Variants in SEMA3F observed in about 807,000 individuals in gnomAD.
The protein encoded by SEMA3F is semaphorin-3F.
Under a neutral mutation model 98.5 loss-of-function variants are expected in SEMA3F, and 30 were observed. That is an observed-to-expected ratio of 0.30 (90% CI 0.23 to 0.41). SEMA3F has a LOEUF of 0.41. SEMA3F is among the 10% of genes least tolerant of loss of function. The pLI, the probability that SEMA3F is intolerant of heterozygous loss-of-function variation, is 1.00. For synonymous variants in SEMA3F, 380 were observed against 444.8 expected (o/e 0.85, Z 1.83); for missense variants, 866 against 1,119.3 (o/e 0.77, Z 3.23).
At chr3:50,162,284 C>T (rs1047580825) in intron 2 of SEMA3F, among the ~76,000 whole-genome samples, 11 of 152,232 alleles carry the variant, frequency 7.2e-5, no homozygotes, top group African/African-American at 1.2e-4. Flanking sequence ...CCCGCCCATC[C>T]GCCTGGGCAC....
chr3:50,171,458 C>T (rs866682645), intron 2 of SEMA3F, among the ~76,000 whole-genome samples: 4 of 152,220 alleles, frequency 2.6e-5, no homozygotes, highest in Admixed American at 6.5e-5. Flanking sequence ...TCCCCTTACC[C>T]GGAGTGCCCG....
upstream of SEMA3F, chr3:50,155,098 C>T: frequency 2.4e-6 from 1 of 410,418 alleles, no homozygotes; most frequent in Middle Eastern, 6.4e-4. This position sits in a 1 kb window ranked among gnomAD's most constrained non-coding sequence, Gnocchi z 4.9. Context: ...CCAGAGCGAG[C>T]GAACGAACCG....
At chr3:50,185,736 T>C (rs779590222) in intron 15 of SEMA3F, 29 bp downstream of exon 15, 1 of 1,613,920 alleles carries the variant, frequency 6.2e-7, no homozygotes, top group South Asian at 1.1e-5. Context: ...GAGCCAAGGT[T>C]GGGGACAGGG....
rs374355347 is a variant in SEMA3F, at chr3:50,174,042, C to T, written c.274-10C>T. ...CAGAAGGCTGCACCTTCTGACCCCC[C>T]TCTCTGCAGATACACTGGGCAGCCT... is the stretch of plus-strand genomic sequence containing the variant. On this transcript the variant is annotated splice_polypyrimidine_tract_variant and intron_variant, in intron 3 of 18. Transcript: ENST00000002829. 3.1e-6 allele frequency: 5 copies of T among 1,614,100 alleles called. No individual in the cohort carries two copies. The highest frequency in any genetic ancestry group is 1.6e-4 in the Middle Eastern group (1 of 6,062).
rs1698067243 is a variant in SEMA3F, at chr3:50,158,151, C to G, written c.-48-1424C>G. Among the ~76,000 whole-genome samples the G allele has an allele frequency of 6.6e-6, 1 of 152,242 alleles. No individual in the cohort carries two copies. The highest frequency in any genetic ancestry group is 1.5e-5 in the Non-Finnish European group (1 of 68,042). On this transcript the variant is annotated intron_variant, in intron 1 of 18. Transcript: ENST00000002829. The surrounding 1 kb of genome is among the most constrained non-coding windows in gnomAD (Gnocchi z 4.8). ...CCCACCTGCCCCCACTTCTCAGAGC[C>G]TGCCATTCAGTCAGCACTAGCTTTG...
At chr3:50,181,361 C>T (rs1260842420) in intron 7 of SEMA3F, among the ~76,000 whole-genome samples, 2 of 150,622 alleles carry the variant, frequency 1.3e-5, no homozygotes, top group Non-Finnish European at 2.9e-5. Context: ...CTCACTGTGT[C>T]ACCAGGCTGG....
rs746556112 is a variant in SEMA3F, at chr3:50,165,602, TG to T, written c.112+5871del. ...TGCCTGGCTTGGCCTGGTGCTATCCTGGGAATCTGAGCCCCGCCTCAAGAAG... is the reference window on the plus strand; with the variant it reads ...TGCCTGGCTTGGCCTGGTGCTATCCTGGAATCTGAGCCCCGCCTCAAGAAG... On this transcript the variant is annotated intron_variant, in intron 2 of 18. Coordinates refer to ENST00000002829, the MANE Select transcript of SEMA3F (RefSeq NM_004186.5). 1.1e-4 allele frequency among the ~76,000 whole-genome samples: 17 copies of T among 152,348 alleles called. No individual in the cohort carries two copies. The South Asian group carries it at 1.9e-3, about 17-fold the overall frequency.
chr3:50,157,394 C>T (rs1273104883), intron 1 of SEMA3F, among the ~76,000 whole-genome samples: 1 of 152,108 alleles, frequency 6.6e-6, no homozygotes, highest in Non-Finnish European at 1.5e-5. Context: ...CTCCCTCCCA[C>T]CAGCCTTCCT....
intron 2 of SEMA3F, among the ~76,000 whole-genome samples, chr3:50,170,710 C>T (rs962945273): frequency 2.0e-5 from 3 of 152,118 alleles, no homozygotes; most frequent in Non-Finnish European, 4.4e-5. Flanking sequence ...GGTCATGAAG[C>T]TCACCCAGAA....
intron 7 of SEMA3F, 144 bp downstream of exon 7, chr3:50,177,005 G>A: frequency 1.4e-6 from 1 of 694,448 alleles, no homozygotes; most frequent in Non-Finnish European, 2.5e-6. Flanking sequence ...CTGGCAAGGG[G>A]GAGAGGGTGC....
intron 2 of SEMA3F, among the ~76,000 whole-genome samples, chr3:50,170,202 C>T (rs1346725791): frequency 6.6e-6 from 1 of 152,002 alleles, no homozygotes; most frequent in Non-Finnish European, 1.5e-5. Flanking sequence ...CTCTGGGACC[C>T]GGGGAAGTTC....
rs536009422 is a variant in SEMA3F at position 50,183,702 on chromosome 3, G to T, written c.1233+138G>T. On this transcript the variant is annotated intron_variant, in intron 12 of 18. Transcript: ENST00000002829. ...GGTGAGCTGTAATGCACACACAGAC[G>T]GGCCTTCACACACAGTGTCAAGCTG... The T allele has an allele frequency of 1.6e-4, 140 of 867,858 alleles. No homozygotes were observed. The Admixed American group carries it at 3.2e-3, about 20-fold the overall frequency. 53.8% of individuals were successfully genotyped at this position (867,858 alleles called of 1,614,324 possible).
At chr3:50,171,987 C>A (rs1698628464) in intron 2 of SEMA3F, among the ~76,000 whole-genome samples, 1 of 152,218 alleles carries the variant, frequency 6.6e-6, no homozygotes, top group African/African-American at 2.4e-5. Context: ...GTCCTGGGAC[C>A]AGACATGGGC....
At chr3:50,180,808 TGTAATCCCAGCCCTTTGG>T (rs1225553964) in intron 7 of SEMA3F, among the ~76,000 whole-genome samples, 2 of 152,172 alleles carry the variant, frequency 1.3e-5, no homozygotes, top group Non-Finnish European at 1.5e-5. Flanking sequence ...GGCTCATGCC[TGTAATCCCAGCCCTTTGG>T]GAGGCCGAGG....
At chr3:50,159,897 T>A (rs1200918251) in intron 2 of SEMA3F, among the ~76,000 whole-genome samples, 163 bp downstream of exon 2, 1 of 152,164 alleles carries the variant, frequency 6.6e-6, no homozygotes, top group Non-Finnish European at 1.5e-5. Context: ...GGTGGCTTGC[T>A]GGGAAAGGCT....
intron 2 of SEMA3F, 58 bp downstream of exon 2, chr3:50,159,792 C>A: frequency 1.8e-6 from 2 of 1,130,882 alleles, no homozygotes; most frequent in Non-Finnish European, 2.7e-6. Context: ...TAGCGCTCGG[C>A]TCCTCTGCAC....
chr3:50,173,697 GGGGA>G, intron 2 of SEMA3F, 92 bp from the exon 3 acceptor site: 1 of 1,068,320 alleles, frequency 9.4e-7, no homozygotes, highest in Non-Finnish European at 1.4e-6. Flanking sequence ...GGGGTCCTGA[GGGGA>G]ACCTCAGGGC....
In SEMA3F at chr3:50,159,703, G is replaced by T. The variant is rs565256754; in HGVS notation, c.81G>T (p.Pro27=). 1.2e-6 allele frequency: 2 copies of T among 1,612,466 alleles called. No individual in the cohort carries two copies. The highest frequency in any genetic ancestry group is 1.1e-5 in the South Asian group (1 of 90,930). ...WPSFPTQDHL[P]ATPRVRLSFK... is the part of the protein sequence containing the mutation. ...CCTTCCCCACCCAGGACCACCTCCC[G>T]GCCACGCCCCGGGTCCGGCTCTCAT... is the stretch of plus-strand genomic sequence containing the variant. Residue 27 remains proline (P), a synonymous_variant, in exon 2 of 19, where the codon CCG becomes CCT. Transcript: ENST00000002829.
At chr3:50,168,836 C>T (rs1698502511) in intron 2 of SEMA3F, among the ~76,000 whole-genome samples, 1 of 152,214 alleles carries the variant, frequency 6.6e-6, no homozygotes, top group Non-Finnish European at 1.5e-5. Context: ...AGTTTCCCTC[C>T]TCAGAAGGTC....
Sources: gnomAD v4.1 joint callset for allele counts (sites outside exome capture counted in the v4.1 genomes callset) on GRCh38, gnomAD v4.1.1 for gene constraint, Gnocchi (gnomAD v3.1) non-coding constraint, MANE v1.5 for transcripts, NCBI Gene and HGNC (gene_info 2026-07-23, HGNC 2026-07-21) for gene names.